The following SYT9 variants were observed in gnomAD, a reference collection of about 807,000 sequenced individuals.
The protein encoded by SYT9 is synaptotagmin 9, also known as synaptotagmin-9.
A neutral mutation model predicts 48.4 loss-of-function variants in SYT9; 22 were observed. That is an observed-to-expected ratio of 0.45 (90% CI 0.32 to 0.65). SYT9 has a LOEUF of 0.65. Among genes scored for constraint, SYT9 ranks in the 30% least tolerant of loss-of-function variants. The pLI is 0.03. For synonymous variants in SYT9, 265 were observed against 245.0 expected, an observed-to-expected ratio of 1.08 and a Z score of -0.76; for missense variants, 577 against 622.0, an observed-to-expected ratio of 0.93 and a Z score of 0.77.
intron 3 of SYT9, among the ~76,000 whole-genome samples, chr11:7,383,644 C>T (rs1419940832): frequency 1.3e-5 from 2 of 150,378 alleles, no homozygotes; most frequent in Non-Finnish European, 3.0e-5. Flanking sequence ...ACGTCATGTT[C>T]AGTATTTACT....
chr11:7,446,755 T>A (rs1243359814), intron 6 of SYT9, among the ~76,000 whole-genome samples: 1 of 152,196 alleles, frequency 6.6e-6, no homozygotes, highest in Non-Finnish European at 1.5e-5. Context: ...TCATTTCTCC[T>A]TGCTTCTCCT....
At chr11:7,460,391 C>T (rs898962356) in intron 6 of SYT9, among the ~76,000 whole-genome samples, 2 of 152,028 alleles carry the variant, frequency 1.3e-5, no homozygotes, top group African/African-American at 4.8e-5. Flanking sequence ...AATTTTTAAG[C>T]ATTGTTTAAG....
rs536507949 is a variant in SYT9, at chr11:7,284,970, C to G, written c.146-18069C>G. Reference sequence around the variant, plus strand: ...TTTTTCTCTTTACAAGACACATTCACCATTATTTTTCACCCACTCTATCAC... The same window carrying G: ...TTTTTCTCTTTACAAGACACATTCAGCATTATTTTTCACCCACTCTATCAC... On this transcript the variant is annotated intron_variant, in intron 1 of 6. Transcript: ENST00000318881. 1.7e-3 allele frequency among the ~76,000 whole-genome samples: 262 copies of G among 152,254 alleles called. 2 individuals carry two copies. Among genetic ancestry groups the G allele is most frequent in the Non-Finnish European group, 2.7e-3 (184 of 68,022 alleles).
At chr11:7,280,706 G>A (rs1848477331) in intron 1 of SYT9, among the ~76,000 whole-genome samples, 1 of 152,174 alleles carries the variant, frequency 6.6e-6, no homozygotes. Context: ...ATGTGCAGTA[G>A]TGCATCAATA....
intron 1 of SYT9, among the ~76,000 whole-genome samples, chr11:7,269,181 T>A (rs1238195479): frequency 2.0e-5 from 3 of 151,968 alleles, no homozygotes; most frequent in Non-Finnish European, 4.4e-5. Flanking sequence ...CATGGCAATA[T>A]AGTATCTGGT....
intron 1 of SYT9, among the ~76,000 whole-genome samples, chr11:7,276,334 T>C (rs957333656): frequency 5.9e-5 from 9 of 152,224 alleles, no homozygotes; most frequent in Admixed American, 3.9e-4. Flanking sequence ...CACCTCTTAA[T>C]GTGCTTCCTG....
At chr11:7,357,808 A>G (rs1463208679) in intron 3 of SYT9, among the ~76,000 whole-genome samples, 1 of 152,148 alleles carries the variant, frequency 6.6e-6, no homozygotes, top group Non-Finnish European at 1.5e-5. Context: ...TATGAAAACC[A>G]ATGTAACCAT....
chr11:7,277,410 C>G (rs1231389921), intron 1 of SYT9, among the ~76,000 whole-genome samples: 3 of 152,190 alleles, frequency 2.0e-5, no homozygotes, highest in Non-Finnish European at 4.4e-5. Flanking sequence ...TCAGCAAGTG[C>G]TCATGTCTTA....
chr11:7,423,618 A>G (rs1287473735), intron 6 of SYT9, among the ~76,000 whole-genome samples: 1 of 152,172 alleles, frequency 6.6e-6, no homozygotes, highest in African/African-American at 2.4e-5. Flanking sequence ...GTTTTCAGTT[A>G]TAGTTGTTAT....
At position 7,303,091 on chromosome 11, in the gene SYT9, CT is replaced by C; in HGVS notation, c.201del (p.Phe67LeufsTer50). 6.2e-7 allele frequency: 1 copy of C among 1,614,224 alleles called. No homozygotes were observed. The highest frequency in any genetic ancestry group is 8.5e-7 in the Non-Finnish European group (1 of 1,180,036). On this transcript the variant is annotated frameshift_variant, in exon 2 of 7. Coordinates refer to ENST00000318881, the MANE Select transcript of SYT9 (RefSeq NM_175733.4). LOFTEE classifies it high-confidence loss of function. Reference protein sequence around the residue: ...LVVTACGLALFGVSLFVSWKL... With the variant: ...LVVTACGLALXGVSLFVSWKL... ...TGGTCACTGCCTGTGGTCTCGCTCT[CT>C]TTGGCGTGTCTCTCTTCGTATCTTG...
chr11:7,434,252 A>G (rs1847661314), intron 6 of SYT9, among the ~76,000 whole-genome samples: 2 of 152,212 alleles, frequency 1.3e-5, no homozygotes, highest in East Asian at 1.9e-4. Flanking sequence ...GTAGTCCTCA[A>G]AGACTCCCAT....
At chr11:7,408,975 A>G (rs1449880664) in intron 3 of SYT9, among the ~76,000 whole-genome samples, 2 of 152,182 alleles carry the variant, frequency 1.3e-5, no homozygotes, top group African/African-American at 4.8e-5. Flanking sequence ...CTGAGAAGAA[A>G]GGCTTTCATC....
chr11:7,417,977 CTGA>C lies in SYT9; in HGVS notation c.1189_1191del (p.Met397del). On this transcript the variant is annotated inframe_deletion, in exon 5 of 7. Transcript: ENST00000318881. ...TCCAGATCCCTATGTGAAAGTCTCG[CTGA>C]TGTGTGATGGCAGACGACTGAAGAA... is the stretch of plus-strand genomic sequence containing the variant. 1 of 1,613,918 alleles carries C rather than the reference CTGA, an allele frequency of 6.2e-7. No individual in the cohort carries two copies. Among genetic ancestry groups the C allele is most frequent in the South Asian group, 1.1e-5 (1 of 91,040 alleles).
intron 3 of SYT9, among the ~76,000 whole-genome samples, chr11:7,348,298 C>T (rs1849839815): frequency 6.6e-6 from 1 of 152,188 alleles, no homozygotes; most frequent in South Asian, 2.1e-4. Context: ...AAAGAAATGT[C>T]ACCAGATGGC....
intron 3 of SYT9, among the ~76,000 whole-genome samples, chr11:7,317,012 T>C (rs531322915): frequency 2.0e-5 from 3 of 152,372 alleles, no homozygotes; most frequent in African/African-American, 7.2e-5. Context: ...AAATCCCTTG[T>C]TGGTTATGTG....
At chr11:7,433,760 A>G (rs1847653159) in intron 6 of SYT9, among the ~76,000 whole-genome samples, 1 of 152,230 alleles carries the variant, frequency 6.6e-6, no homozygotes, top group African/African-American at 2.4e-5. Flanking sequence ...CACTCACCAG[A>G]CACCAAATCA....
At chr11:7,379,839 A>T (rs1384509727) in intron 3 of SYT9, among the ~76,000 whole-genome samples, 1 of 152,108 alleles carries the variant, frequency 6.6e-6, no homozygotes. Flanking sequence ...TGCACTGTTG[A>T]TGGGAATGTA....
At chr11:7,370,500 A>G (rs1850342377) in intron 3 of SYT9, among the ~76,000 whole-genome samples, 1 of 152,168 alleles carries the variant, frequency 6.6e-6, no homozygotes, top group African/African-American at 2.4e-5. Flanking sequence ...TAATGTTTCA[A>G]AATTAGACTG....
At chr11:7,287,488 C>CATCA in intron 1 of SYT9, among the ~76,000 whole-genome samples, 1 of 152,316 alleles carries the variant, frequency 6.6e-6, no homozygotes, top group Non-Finnish European at 1.5e-5. Flanking sequence ...CCCTGACCAA[C>CATCA]ATCAGTCTCA....
Sources: allele counts gnomAD v4.1 joint callset (sites outside exome capture counted in the v4.1 genomes callset), GRCh38; gene constraint gnomAD v4.1.1; transcripts MANE v1.5; gene names NCBI Gene and HGNC (gene_info 2026-07-23, HGNC 2026-07-21).